Variants in DOC2B observed in about 807,000 individuals in gnomAD.
DOC2B encodes the protein double C2 domain beta, also known as double C2-like domain-containing protein beta.
In DOC2B, 21 loss-of-function variants were observed where a neutral mutation model predicts 28.9. The ratio of observed to expected loss-of-function variants is 0.73; its 90% CI spans 0.52 to 1.05. The LOEUF (loss-of-function observed/expected upper bound fraction) is 1.05. DOC2B is among the 50% of genes least tolerant of loss of function. The pLI is 0.00. For synonymous variants in DOC2B, 194 were observed against 178.1 expected (o/e 1.09, Z -0.71); for missense variants, 384 against 421.1 (o/e 0.91, Z 0.77).
chr17:172,813 T>A (rs993480304), intron 1 of DOC2B, among the ~76,000 whole-genome samples, 197 bp from the exon 2 acceptor site: 1 of 151,902 alleles, frequency 6.6e-6, no homozygotes. Flanking sequence ...CACAATAATC[T>A]CCCCACTTTC....
intron 6 of DOC2B, among the ~76,000 whole-genome samples, chr17:152,509 T>G (rs1410629150): frequency 6.6e-6 from 1 of 152,172 alleles, no homozygotes; most frequent in Non-Finnish European, 1.5e-5. Context: ...GGCTTGCACC[T>G]GTAATCCCAG....
Position 181,048 on chromosome 17 carries a change from T to TG in DOC2B, c.373+58dup, listed in dbSNP as rs911792466. The TG allele has an allele frequency of 7.4e-5, 89 of 1,194,746 alleles. No individual in the cohort carries two copies. The highest frequency in any genetic ancestry group is 3.3e-4 in the Middle Eastern group (1 of 3,042). The allele number at this position is 1,194,746 out of a possible 1,614,324, so 74.0% of individuals were successfully genotyped here. Reference sequence around the variant, plus strand: ...CCGGCGGAGGGAAGCCGCGAGGCCGTGGGGGGGCCGAGCCCGAGCCAGGGG... The same window carrying TG: ...CCGGCGGAGGGAAGCCGCGAGGCCGTGGGGGGGGCCGAGCCCGAGCCAGGGG... On this transcript the variant is annotated intron_variant, in intron 1 of 8. Coordinates refer to ENST00000613549, the MANE Select transcript of DOC2B (RefSeq NM_003585.5). The surrounding 1 kb of genome is among the most constrained non-coding windows in gnomAD (Gnocchi z 7.0).
intron 6 of DOC2B, among the ~76,000 whole-genome samples, chr17:155,551 T>C (rs977891216): frequency 4.6e-5 from 7 of 152,134 alleles, no homozygotes; most frequent in South Asian, 4.1e-4. Flanking sequence ...CTCACACTCA[T>C]ACCTACCTAG....
intron 6 of DOC2B, among the ~76,000 whole-genome samples, chr17:155,011 G>A (rs953381131): frequency 2.6e-5 from 4 of 152,058 alleles, no homozygotes; most frequent in East Asian, 3.9e-4. Context: ...TTACAAGCAC[G>A]AGCCACTGCA....
chr17:173,651 T>G (rs1423965088), intron 1 of DOC2B, among the ~76,000 whole-genome samples: 1 of 152,114 alleles, frequency 6.6e-6, no homozygotes, highest in Non-Finnish European at 1.5e-5. Context: ...GGGGAGCCCA[T>G]GTGAATTGGG....
At chr17:165,966 G>A (rs1555523842) in intron 2 of DOC2B, among the ~76,000 whole-genome samples, 1 of 152,222 alleles carries the variant, frequency 6.6e-6, no homozygotes, top group African/African-American at 2.4e-5. Context: ...GCCACCACAT[G>A]TTCTGGCGTA....
At chr17:164,275 C>T in intron 2 of DOC2B, 71 bp from the exon 3 acceptor site, 1 of 1,245,994 alleles carries the variant, frequency 8.0e-7, no homozygotes, top group Non-Finnish European at 1.1e-6. Context: ...TGCAGATGCC[C>T]TTGTCCCCTG....
Position 161,556 on chromosome 17 carries a change from G to A in DOC2B, c.639-15C>T. The A allele has an allele frequency of 6.4e-7, 1 of 1,551,562 alleles. No homozygotes were observed. The highest frequency in any genetic ancestry group is 8.7e-7 in the Non-Finnish European group (1 of 1,146,956). On this transcript the variant is annotated splice_polypyrimidine_tract_variant and intron_variant, in intron 4 of 8. Coordinates refer to ENST00000613549, the MANE Select transcript of DOC2B (RefSeq NM_003585.5). ...ACACAGAGATCCTAGAGGGGGCGGT[G>A]GTGAGGGGCACAGCCAGTGCCTCAG...
chr17:153,254 G>C (rs1018236263), intron 6 of DOC2B, among the ~76,000 whole-genome samples: 15 of 152,244 alleles, frequency 9.9e-5, no homozygotes, highest in African/African-American at 3.6e-4. Flanking sequence ...TTGTGGTACA[G>C]TGGACAGGCC....
Position 181,419 on chromosome 17 carries a change from C to A in DOC2B, c.61G>T (p.Asp21Tyr). The A allele has an allele frequency of 8.4e-7, 1 of 1,187,336 alleles. No homozygotes were observed. Among genetic ancestry groups the A allele is most frequent in the Non-Finnish European group, 1.1e-6 (1 of 945,488 alleles). The allele number at this position is 1,187,336 out of a possible 1,614,324, so 73.6% of individuals were successfully genotyped here. ...GGACGGATGGGGCCGGGGCACACGT[C>A]GATGGCCATATGCTCCTGGATGCTG... ...TISIQEHMAI[D>Y]VCPGPIRPIK... is the part of the protein sequence containing the mutation. The change falls in exon 1 of 9, where the codon GAC becomes TAC. Residue 21 changes from aspartate (D) to tyrosine (Y), a missense_variant. By Grantham distance (160) the Asp-to-Tyr change is radical. Transcript: ENST00000613549. This position sits in a 1 kb window ranked among gnomAD's most constrained non-coding sequence, Gnocchi z 7.0.
intron 2 of DOC2B, 24 bp downstream of exon 2, chr17:172,513 T>TG: frequency 6.5e-7 from 1 of 1,547,824 alleles, no homozygotes. Flanking sequence ...GCAGGGAATT[T>TG]GGGGGCAGGC....
At chr17:164,250 G>A (rs2040237189) in intron 2 of DOC2B, 46 bp from the exon 3 acceptor site, 2 of 1,416,326 alleles carry the variant, frequency 1.4e-6, no homozygotes. Flanking sequence ...TCGGGGACAT[G>A]GAACTGACAG....
At position 146,372 on chromosome 17, in the gene DOC2B, T is replaced by G. The variant is rs1367678669; in HGVS notation, c.*1069A>C. The G allele has an allele frequency of 3.3e-5, 5 of 152,154 alleles. No homozygotes were observed. Among genetic ancestry groups the G allele is most frequent in the African/African-American group, 1.2e-4 (5 of 41,370 alleles). 9.4% of individuals were successfully genotyped at this position (152,154 alleles called of 1,614,324 possible). A position where few individuals can be genotyped will look rare whatever the true frequency, so the allele number is the denominator to read the frequency against. On this transcript the variant is annotated 3_prime_UTR_variant, in exon 9 of 9. Transcript: ENST00000613549. ...TTCTCCACTGCAGCTGACCTGATGC[T>G]TATGCCAGGAAGGAGGAGGGGCGGG...
intron 6 of DOC2B, among the ~76,000 whole-genome samples, chr17:149,454 C>T (rs2040049333): frequency 6.6e-6 from 1 of 152,176 alleles, no homozygotes. Flanking sequence ...CTCCATCCCC[C>T]TAGGAAAGGG....
intron 2 of DOC2B, among the ~76,000 whole-genome samples, chr17:165,707 G>T (rs983791999): frequency 2.6e-5 from 4 of 152,090 alleles, no homozygotes; most frequent in Admixed American, 2.0e-4. Context: ...ACAGGGCCTG[G>T]CTCAGTGGCC....
intron 1 of DOC2B, among the ~76,000 whole-genome samples, chr17:177,255 A>G (rs2040380839): frequency 6.6e-6 from 1 of 152,080 alleles, no homozygotes; most frequent in Admixed American, 6.5e-5. Context: ...GATTTTTATA[A>G]ACATCTTCAT....
In DOC2B at chr17:172,517, G is replaced by C. The variant is rs148525551; in HGVS notation, c.453+20C>G. 1.9e-6 allele frequency: 3 copies of C among 1,548,544 alleles called. No individual in the cohort carries two copies. Among genetic ancestry groups the C allele is most frequent in the Non-Finnish European group, 2.6e-6 (3 of 1,144,934 alleles). On this transcript the variant is annotated intron_variant, in intron 2 of 8. Coordinates refer to ENST00000613549, the MANE Select transcript of DOC2B (RefSeq NM_003585.5). ...AGGACCCCGGGGCAGGGAATTTGGGGGCAGGCTGGCGGGGCCTACCTTGGC... is the reference window on the plus strand; with the variant it reads ...AGGACCCCGGGGCAGGGAATTTGGGCGCAGGCTGGCGGGGCCTACCTTGGC...
Position 181,357 on chromosome 17 carries a change from C to T in DOC2B, c.123G>A (p.Pro41=). Residue 41 remains proline, a synonymous_variant, in exon 1 of 9, where the codon CCG becomes CCA. Transcript: ENST00000613549. This position sits in a 1 kb window ranked among gnomAD's most constrained non-coding sequence, Gnocchi z 7.0. ...KQISDYFPRF[P]RGLPPDAGPR... is the part of the protein sequence containing the mutation. ...GCCCGGCGTCCGGGGGCAGGCCCCG[C>T]GGGAAGCGGGGGAAGTAGTCGGAGA... 2 of 1,129,378 alleles carry T rather than the reference C, an allele frequency of 1.8e-6. No homozygotes were observed. The highest frequency in any genetic ancestry group is 3.7e-5 in the South Asian group (1 of 27,360). 70.0% of individuals were successfully genotyped at this position (1,129,378 alleles called of 1,614,324 possible). A position where few individuals can be genotyped will look rare whatever the true frequency, so the allele number is the denominator to read the frequency against.
rs1597819708 is a variant in DOC2B at position 156,395 on chromosome 17, C to A, written c.766-18G>T. ...TTGTCCACCTGTTGGACGGGACGGT[C>A]ACTCAGTCCTCACCTGCTCCCACCC... On this transcript the variant is annotated intron_variant, in intron 5 of 8. Transcript: ENST00000613549. 1 of 1,550,830 alleles carries A rather than the reference C, an allele frequency of 6.4e-7. No homozygotes were observed. Among genetic ancestry groups the A allele is most frequent in the South Asian group, 1.2e-5 (1 of 84,026 alleles).
Sources: allele counts gnomAD v4.1 joint callset (sites outside exome capture counted in the v4.1 genomes callset), GRCh38; gene constraint gnomAD v4.1.1; non-coding constraint Gnocchi (gnomAD v3.1); transcripts MANE v1.5; gene names NCBI Gene and HGNC (gene_info 2026-07-23, HGNC 2026-07-21).